Variants in CDH23 observed in about 807,000 individuals in gnomAD.
CDH23 encodes cadherin related 23, also known as cadherin-23.
In CDH23, 189 loss-of-function variants were observed where a neutral mutation model predicts 317.1. The ratio of observed to expected loss-of-function variants is 0.60; its 90% CI spans 0.53 to 0.67. CDH23 has a LOEUF of 0.67. Ranked by LOEUF, CDH23 falls within the 30% of genes least tolerant of loss-of-function variation. CDH23 has a pLI of 0.00. For missense variants in CDH23, 4,401 were observed against 4,592.4 expected (o/e 0.96, Z 1.20); for synonymous variants, 1,839 against 1,876.8 (o/e 0.98, Z 0.52).
At chr10:71,449,956 C>T (rs756995022) in intron 3 of CDH23, among the ~76,000 whole-genome samples, 50 of 152,252 alleles carry the variant, frequency 3.3e-4, no homozygotes, top group Non-Finnish European at 6.8e-4. Context: ...CCGGAGAAGA[C>T]AGAAGCCAAA....
At chr10:71,514,566 C>G (rs1013139028) in intron 6 of CDH23, among the ~76,000 whole-genome samples, 2 of 152,140 alleles carry the variant, frequency 1.3e-5, no homozygotes, top group Non-Finnish European at 2.9e-5. Context: ...AAGCCTCTGC[C>G]GGGTCCAGCC....
At chr10:71,631,647 G>A (rs1862019383) in intron 11 of CDH23, among the ~76,000 whole-genome samples, 1 of 152,214 alleles carries the variant, frequency 6.6e-6, no homozygotes, top group Non-Finnish European at 1.5e-5. Flanking sequence ...AGGTCTACCA[G>A]GATTTGTTTT....
intron 14 of CDH23, among the ~76,000 whole-genome samples, chr10:71,651,766 A>G (rs996786286): frequency 6.6e-6 from 1 of 152,064 alleles, no homozygotes; most frequent in Non-Finnish European, 1.5e-5. Flanking sequence ...ATATCAAACC[A>G]TCCATACCCC....
At chr10:71,661,742 GC>G (rs397977031) in intron 14 of CDH23, among the ~76,000 whole-genome samples, 2 of 66,672 alleles carry the variant, frequency 3.0e-5, no homozygotes, top group Admixed American at 1.7e-4. Context: ...CACCCTGCGC[GC>G]CCTCCCACCC....
chr10:71,729,055 G>A (rs1866942419), intron 30 of CDH23, among the ~76,000 whole-genome samples: 1 of 151,842 alleles, frequency 6.6e-6, no homozygotes, highest in East Asian at 1.9e-4. Context: ...GGCTGGTCTC[G>A]AATGCCTGGG....
chr10:71,446,939 T>G (rs1173640299), intron 3 of CDH23, among the ~76,000 whole-genome samples: 2 of 152,258 alleles, frequency 1.3e-5, no homozygotes, highest in Non-Finnish European at 2.9e-5. Flanking sequence ...CAGAAGCTTC[T>G]CAGGAAACTG....
At chr10:71,471,851 G>A (rs1179259387) in intron 3 of CDH23, among the ~76,000 whole-genome samples, 1 of 152,118 alleles carries the variant, frequency 6.6e-6, no homozygotes, top group Non-Finnish European at 1.5e-5. Flanking sequence ...TCTTTCCTCT[G>A]TACTCATGGC....
At chr10:71,809,706 G>A (rs1467249018) in intron 60 of CDH23, 114 bp from the exon 61 acceptor site, 2 of 1,442,414 alleles carry the variant, frequency 1.4e-6, no homozygotes, top group Non-Finnish European at 1.9e-6. Context: ...GTGCCCTGTG[G>A]GCATTTGTGC....
intron 38 of CDH23, among the ~76,000 whole-genome samples, chr10:71,777,434 G>T (rs1015047634): frequency 0.013 from 35 of 2,604 alleles, no homozygotes; most frequent in African/African-American, 0.11. Context: ...GATGTCTGCT[G>T]GGGGTCGCAG....
At chr10:71,601,888 T>C (rs1293256733) in intron 9 of CDH23, among the ~76,000 whole-genome samples, 1 of 150,628 alleles carries the variant, frequency 6.6e-6, no homozygotes, top group Non-Finnish European at 1.5e-5. Flanking sequence ...GTCACAGCTG[T>C]CTTCTGAGCC....
chr10:71,676,430 C>G (rs1864372066), intron 15 of CDH23, among the ~76,000 whole-genome samples: 1 of 151,372 alleles, frequency 6.6e-6, no homozygotes. Context: ...AGTTCAAGAC[C>G]AGCCTGGCCA....
intron 2 of CDH23, among the ~76,000 whole-genome samples, chr10:71,445,900 C>G (rs1850141969): frequency 6.7e-6 from 1 of 150,134 alleles, no homozygotes; most frequent in South Asian, 2.1e-4. Flanking sequence ...AGGTGACATT[C>G]ATTTTAATCA....
chr10:71,445,838 ACT>A (rs1349000609), intron 2 of CDH23, among the ~76,000 whole-genome samples: 8 of 107,144 alleles, frequency 7.5e-5, no homozygotes, highest in African/African-American at 3.0e-4. Flanking sequence ...ACAGAGTGAG[ACT>A]CTGTCTCAAA....
At chr10:71,680,300 C>T (rs1411044565) in intron 17 of CDH23, among the ~76,000 whole-genome samples, 1 of 152,252 alleles carries the variant, frequency 6.6e-6, no homozygotes, top group Admixed American at 6.5e-5. Context: ...GCTCATTTAA[C>T]ACCTCCTCCT....
chr10:71,718,553 G>C (rs947500553), intron 28 of CDH23, among the ~76,000 whole-genome samples: 1 of 152,236 alleles, frequency 6.6e-6, no homozygotes, highest in African/African-American at 2.4e-5. Flanking sequence ...GGAGGGATGG[G>C]GTGTGCCCAC....
intron 34 of CDH23, chr10:71,737,853 G>C: frequency 2.2e-6 from 1 of 458,408 alleles, no homozygotes; most frequent in Non-Finnish European, 4.5e-6. Flanking sequence ...ATGCTCTTGC[G>C]TGCCATTTGT....
chr10:71,573,493 G>A (rs1168597395), intron 8 of CDH23, among the ~76,000 whole-genome samples: 1 of 152,154 alleles, frequency 6.6e-6, no homozygotes, highest in African/African-American at 2.4e-5. Context: ...CTCTACAGGT[G>A]ATCCCACAGG....
At chr10:71,722,313 T>C (rs974902195) in intron 28 of CDH23, among the ~76,000 whole-genome samples, 11 of 152,078 alleles carry the variant, frequency 7.2e-5, no homozygotes. Context: ...GAAGGAGAAG[T>C]GTACTGTAGC....
chr10:71,574,514 C>T (rs1039061504), intron 8 of CDH23, among the ~76,000 whole-genome samples: 1 of 152,124 alleles, frequency 6.6e-6, no homozygotes, highest in Non-Finnish European at 1.5e-5. Context: ...AAGTCCCCTT[C>T]AGCCCCCACC....
Sources: allele counts gnomAD v4.1 joint callset (sites outside exome capture counted in the v4.1 genomes callset), GRCh38; gene constraint gnomAD v4.1.1; transcripts MANE v1.5; gene names NCBI Gene and HGNC (gene_info 2026-07-23, HGNC 2026-07-21).